ALCAM: variants seen among roughly 807,000 people sequenced by gnomAD.
The protein encoded by ALCAM is activated leukocyte cell adhesion molecule.
ALCAM carries 30 observed loss-of-function variants against 70.9 expected under a neutral mutation model. The observed-to-expected ratio is 0.42, with a 90% CI of 0.32 to 0.57. The LOEUF is 0.57. Ranked by LOEUF, ALCAM falls within the 20% of genes least tolerant of loss-of-function variation. ALCAM has a pLI of 0.11. For synonymous variants in ALCAM, 249 were observed against 242.5 expected (o/e 1.03, Z -0.25); for missense variants, 591 against 695.1 (o/e 0.85, Z 1.68).
intron 1 of ALCAM, among the ~76,000 whole-genome samples, chr3:105,452,774 G>T (rs1328216327): frequency 1.3e-5 from 2 of 152,192 alleles, no homozygotes; most frequent in Admixed American, 6.5e-5. Flanking sequence ...TCTGACTGGT[G>T]TAAGATGGTA....
chr3:105,524,435 T>A lies in ALCAM; in HGVS notation c.321T>A (p.Asp107Glu). 1 of 1,614,120 alleles carries A rather than the reference T, an allele frequency of 6.2e-7. No individual in the cohort carries two copies. Among genetic ancestry groups the A allele is most frequent in the South Asian group, 1.1e-5 (1 of 91,080 alleles). ...TLSISNARISDEKRFVCMLVT... is the reference protein window; with the variant it reads ...TLSISNARISEEKRFVCMLVT... The stretch of plus-strand genomic sequence containing the variant: ...CTATCAGTAATGCAAGGATCAGTGA[T>A]GAAAAGAGATTTGTGTGCATGCTAG... The change falls in exon 3 of 16, where the codon GAT becomes GAA. Residue 107 changes from aspartate to glutamate, a missense_variant. This residue lies in a region of ALCAM where 427 missense variants were observed against 450.4 expected (regional missense o/e 0.95). Transcript: ENST00000306107.
intron 1 of ALCAM, among the ~76,000 whole-genome samples, chr3:105,424,343 C>T (rs746500855): frequency 6.6e-6 from 1 of 151,646 alleles, no homozygotes; most frequent in Non-Finnish European, 1.5e-5. Context: ...CTAAATTATA[C>T]GTCTAAGAAA....
At chr3:105,372,778 T>G (rs1935267601) in intron 1 of ALCAM, among the ~76,000 whole-genome samples, 1 of 152,138 alleles carries the variant, frequency 6.6e-6, no homozygotes. Context: ...ATTATTGTTT[T>G]AGCTCTTTTC....
chr3:105,423,024 T>C (rs2107419857), intron 1 of ALCAM, among the ~76,000 whole-genome samples: 1 of 151,644 alleles, frequency 6.6e-6, no homozygotes, highest in South Asian at 2.1e-4. Flanking sequence ...AAGTTCCCAT[T>C]GTTAGCAGTG....
intron 1 of ALCAM, among the ~76,000 whole-genome samples, chr3:105,491,347 A>AT (rs1938580961): frequency 6.6e-6 from 1 of 152,088 alleles, no homozygotes; most frequent in Non-Finnish European, 1.5e-5. Flanking sequence ...CCATGGAGAC[A>AT]TTTTTCCCAT....
At chr3:105,525,750 C>G (rs1250115567) in intron 3 of ALCAM, among the ~76,000 whole-genome samples, 2 of 152,116 alleles carry the variant, frequency 1.3e-5, no homozygotes, top group Non-Finnish European at 2.9e-5. Flanking sequence ...TCAAAGGAAA[C>G]CTTTGTTCCC....
intron 1 of ALCAM, among the ~76,000 whole-genome samples, chr3:105,449,368 G>A (rs1559795215): frequency 1.3e-5 from 2 of 152,274 alleles, no homozygotes; most frequent in South Asian, 2.1e-4. Context: ...ATACAGGCAC[G>A]TTCTCCAGGC....
intron 1 of ALCAM, among the ~76,000 whole-genome samples, chr3:105,387,645 G>A (rs1297405251): frequency 6.6e-6 from 1 of 151,562 alleles, no homozygotes; most frequent in Non-Finnish European, 1.5e-5. Context: ...ATCAGTAACG[G>A]TTACCAGGAT....
In ALCAM at chr3:105,455,638, G is replaced by A. The variant is rs955045040; in HGVS notation, c.74-64429G>A. On this transcript the variant is annotated intron_variant, in intron 1 of 15. Transcript: ENST00000306107. ...TTGAGGACTAAGACAAGGACTGGGC[G>A]GAAGTAGCTTTCCTGAAGACATGCT... 7.2e-5 allele frequency among the ~76,000 whole-genome samples: 11 copies of A among 152,288 alleles called. No homozygotes were observed. The East Asian group carries it at 2.1e-3, about 29-fold the overall frequency.
intron 1 of ALCAM, among the ~76,000 whole-genome samples, chr3:105,459,868 C>G (rs569496050): frequency 2.1e-4 from 32 of 152,172 alleles, no homozygotes; most frequent in African/African-American, 7.5e-4. Flanking sequence ...CTTACCCACT[C>G]TAATAGACTA....
chr3:105,481,470 G>A (rs1938270046), intron 1 of ALCAM, among the ~76,000 whole-genome samples: 1 of 152,154 alleles, frequency 6.6e-6, no homozygotes, highest in Non-Finnish European at 1.5e-5. Context: ...TAGAACATAT[G>A]TAGTGCTGAT....
intron 1 of ALCAM, among the ~76,000 whole-genome samples, chr3:105,442,018 A>C (rs1937182480): frequency 6.6e-6 from 1 of 152,242 alleles, no homozygotes; most frequent in Non-Finnish European, 1.5e-5. Flanking sequence ...ATTAGTTTTA[A>C]AAAATAACCA....
chr3:105,563,735 C>T (rs1255566611), intron 14 of ALCAM, among the ~76,000 whole-genome samples: 1 of 126,588 alleles, frequency 7.9e-6, no homozygotes, highest in Non-Finnish European at 1.6e-5. Context: ...GGCCGGACTG[C>T]GGACTGCAGT....
chr3:105,505,395 C>T (rs1020430644), intron 1 of ALCAM, among the ~76,000 whole-genome samples: 1 of 152,076 alleles, frequency 6.6e-6, no homozygotes, highest in African/African-American at 2.4e-5. Context: ...TTTTAAACCA[C>T]CAGCTCTTAT....
chr3:105,474,020 A>G (rs1938024147), intron 1 of ALCAM, among the ~76,000 whole-genome samples: 1 of 151,568 alleles, frequency 6.6e-6, no homozygotes, highest in Admixed American at 6.6e-5. Flanking sequence ...CATTATGAAT[A>G]TGTACCTGTG....
intron 1 of ALCAM, among the ~76,000 whole-genome samples, chr3:105,380,106 C>T (rs868112711): frequency 1.2e-4 from 18 of 151,764 alleles, no homozygotes; most frequent in African/African-American, 4.1e-4. Context: ...TAAAATTACT[C>T]TGCCTAGATT....
At chr3:105,398,512 C>G (rs1183499092) in intron 1 of ALCAM, among the ~76,000 whole-genome samples, 1 of 152,006 alleles carries the variant, frequency 6.6e-6, no homozygotes, top group Non-Finnish European at 1.5e-5. Flanking sequence ...TAACATAAAG[C>G]TTTTCTTTCT....
intron 6 of ALCAM, 149 bp downstream of exon 6, chr3:105,534,994 C>T (rs1939934256): frequency 2.9e-6 from 2 of 680,748 alleles, no homozygotes; most frequent in South Asian, 2.0e-5. Flanking sequence ...ATCTCTTCCT[C>T]TTTAGGAGAC....
chr3:105,406,933 G>A (rs538246478), intron 1 of ALCAM, among the ~76,000 whole-genome samples: 25 of 152,086 alleles, frequency 1.6e-4, no homozygotes, highest in Admixed American at 1.0e-3. Context: ...ACACCTTTAC[G>A]CACATAAACT....
Sources: gnomAD v4.1 joint callset for allele counts (sites outside exome capture counted in the v4.1 genomes callset) on GRCh38, gnomAD v4.1.1 for gene constraint, gnomAD v4.1.1 regional missense constraint, MANE v1.5 for transcripts, NCBI Gene and HGNC (gene_info 2026-07-23, HGNC 2026-07-21) for gene names.